Variants in MAGI2 observed in about 807,000 individuals in gnomAD.
The protein encoded by MAGI2 is membrane associated guanylate kinase, WW and PDZ domain containing 2, also known as membrane-associated guanylate kinase, WW and PDZ domain-containing protein 2.
Under a neutral mutation model 133.3 loss-of-function variants are expected in MAGI2, and 35 were observed. That is an observed-to-expected ratio of 0.26 (90% CI 0.20 to 0.35). MAGI2 has a LOEUF of 0.35. Among genes scored for constraint, MAGI2 ranks in the 10% least tolerant of loss-of-function variants. The pLI is 1.00. For synonymous variants in MAGI2, 729 were observed against 710.6 expected (o/e 1.03, Z -0.41); for missense variants, 1,636 against 1,863.4 (o/e 0.88, Z 2.25).
chr7:78,243,582 G>A (rs934278741), intron 10 of MAGI2, among the ~76,000 whole-genome samples: 2 of 151,890 alleles, frequency 1.3e-5, no homozygotes, highest in African/African-American at 4.8e-5. Context: ...CTATGATATA[G>A]TCTATGATAC....
At chr7:78,586,381 A>T (rs1335590604) in intron 3 of MAGI2, among the ~76,000 whole-genome samples, 1 of 148,252 alleles carries the variant, frequency 6.7e-6, no homozygotes, top group Non-Finnish European at 1.5e-5. Flanking sequence ...CACCCATAAC[A>T]TCTAAGAATT....
Position 78,521,452 on chromosome 7 carries a change from T to C in MAGI2, c.732A>G (p.Gly244=), listed in dbSNP as rs1796496265. Residue 244 remains glycine (G), a synonymous_variant, in exon 4 of 22, where the codon GGA becomes GGG. Coordinates refer to ENST00000354212, the MANE Select transcript of MAGI2 (RefSeq NM_012301.4). ...AACCTGGTGTTACTACTACTCCATTTCCATTGACCACAGGCCTCTCTTCCT... is the reference window on the plus strand; with the variant it reads ...AACCTGGTGTTACTACTACTCCATTCCCATTGACCACAGGCCTCTCTTCCT... ...EEEEERPVVN[G]NGVVVTPESS... is the part of the protein sequence containing the mutation. 1.2e-6 allele frequency: 2 copies of C among 1,613,924 alleles called. No individual in the cohort carries two copies. The highest frequency in any genetic ancestry group is 2.7e-5 in the African/African-American group (2 of 74,938).
intron 1 of MAGI2, among the ~76,000 whole-genome samples, chr7:79,136,009 G>T (rs1821421301): frequency 8.6e-6 from 1 of 115,644 alleles, no homozygotes. Flanking sequence ...GAAAGAGAAA[G>T]AAAGAAAGAA....
At chr7:78,788,533 C>A (rs1827016453) in intron 2 of MAGI2, among the ~76,000 whole-genome samples, 1 of 150,906 alleles carries the variant, frequency 6.6e-6, no homozygotes, top group Admixed American at 6.6e-5. Context: ...AATTCTGGAT[C>A]TCTTCATTTT....
chr7:79,371,869 A>G (rs538469116), intron 1 of MAGI2, among the ~76,000 whole-genome samples: 1 of 152,156 alleles, frequency 6.6e-6, no homozygotes, highest in African/African-American at 2.4e-5. Context: ...TTAATTTAAC[A>G]TGTGGCAGCC....
chr7:78,707,629 G>A (rs16886268), intron 2 of MAGI2, among the ~76,000 whole-genome samples: 2,898 of 152,128 alleles, frequency 0.019, 93 homozygotes, highest in African/African-American at 0.065. Flanking sequence ...CATGACAAAA[G>A]CAACTACACT....
chr7:79,211,198 T>A lies in MAGI2; in HGVS notation c.302-203992A>T, dbSNP rs182732053. The stretch of plus-strand genomic sequence containing the variant: ...ACAGGCATGTGTGAATATATCTATA[T>A]GTATATCTGTATGTGTATCAATATC... On this transcript the variant is annotated intron_variant, in intron 1 of 21. Coordinates refer to ENST00000354212, the MANE Select transcript of MAGI2 (RefSeq NM_012301.4). Among the ~76,000 whole-genome samples the A allele has an allele frequency of 3.9e-5, 6 of 152,224 alleles. No homozygotes were observed. The East Asian group carries it at 1.2e-3, about 29-fold the overall frequency.
rs140431405 is a variant in MAGI2, at chr7:78,533,780, A to C, written c.539-12135T>G. Reference sequence around the variant, plus strand: ...ATTCCTGGGCTAGTTCTTCTGAAAAAAAGTAAGACTCAATAAGTAGTCAAC... The same window carrying C: ...ATTCCTGGGCTAGTTCTTCTGAAAACAAGTAAGACTCAATAAGTAGTCAAC... On this transcript the variant is annotated intron_variant, in intron 3 of 21. Coordinates refer to ENST00000354212, the MANE Select transcript of MAGI2 (RefSeq NM_012301.4). Among the ~76,000 whole-genome samples the C allele has an allele frequency of 1.1e-4, 16 of 152,360 alleles. No homozygotes were observed. In the East Asian group the frequency reaches 2.9e-3, roughly 28 times the overall value.
At chr7:78,191,246 G>A (rs988306918) in intron 12 of MAGI2, among the ~76,000 whole-genome samples, 11 of 151,374 alleles carry the variant, frequency 7.3e-5, no homozygotes, top group Non-Finnish European at 1.3e-4. Context: ...TTTGCACAGA[G>A]TTCTCCAGCA....
chr7:78,147,722 G>A (rs146141540), intron 16 of MAGI2, among the ~76,000 whole-genome samples: 1 of 151,972 alleles, frequency 6.6e-6, no homozygotes, highest in African/African-American at 2.4e-5. Context: ...TTAGTCTTTA[G>A]AGAAAAACGC....
intron 2 of MAGI2, among the ~76,000 whole-genome samples, chr7:78,789,024 C>T (rs1207884): frequency 0.46 from 69,515 of 151,944 alleles, 16,514 homozygotes; most frequent in South Asian, 0.56. Flanking sequence ...GTAGATTTCC[C>T]TGCACATTCT....
At chr7:78,233,202 G>T (rs1449965391) in intron 10 of MAGI2, among the ~76,000 whole-genome samples, 4 of 152,066 alleles carry the variant, frequency 2.6e-5, no homozygotes, top group Admixed American at 2.0e-4. Flanking sequence ...TGGTGGTGAG[G>T]TTACAGAGTG....
intron 21 of MAGI2, among the ~76,000 whole-genome samples, chr7:78,069,511 G>C (rs571653561): frequency 3.6e-5 from 5 of 140,606 alleles, no homozygotes; most frequent in African/African-American, 1.1e-4. Context: ...GTGTGTGTGA[G>C]AGAGAGAGAG....
intron 1 of MAGI2, among the ~76,000 whole-genome samples, chr7:79,053,787 A>G (rs1007500818): frequency 3.3e-5 from 5 of 152,224 alleles, no homozygotes; most frequent in Non-Finnish European, 7.3e-5. Context: ...GTCATCTGCT[A>G]AAAGCTAATT....
chr7:78,300,785 C>T (rs375823779), intron 9 of MAGI2, among the ~76,000 whole-genome samples: 6 of 152,272 alleles, frequency 3.9e-5, no homozygotes, highest in East Asian at 1.9e-4. Flanking sequence ...TTCTATGTTG[C>T]TATGTATTTG....
At chr7:79,066,318 G>C (rs1263554956) in intron 1 of MAGI2, among the ~76,000 whole-genome samples, 2 of 149,286 alleles carry the variant, frequency 1.3e-5, no homozygotes, top group Non-Finnish European at 3.0e-5. Flanking sequence ...TTAATGACCA[G>C]TGATGATGAA....
At chr7:79,178,892 A>C (rs1826364253) in intron 1 of MAGI2, among the ~76,000 whole-genome samples, 1 of 152,018 alleles carries the variant, frequency 6.6e-6, no homozygotes, top group Non-Finnish European at 1.5e-5. Context: ...AAGATAAATC[A>C]TTGTCTTTTT....
At chr7:78,342,685 C>T (rs1410246538) in intron 9 of MAGI2, among the ~76,000 whole-genome samples, 1 of 152,150 alleles carries the variant, frequency 6.6e-6, no homozygotes, top group Non-Finnish European at 1.5e-5. Context: ...TGGAAATCAT[C>T]ATTCTTAGCA....
chr7:78,215,131 G>A (rs1788140037), intron 10 of MAGI2, among the ~76,000 whole-genome samples: 2 of 152,186 alleles, frequency 1.3e-5, no homozygotes, highest in Admixed American at 6.5e-5. Context: ...GTGACTCTAC[G>A]AAGCATAAAG....
Sources: gnomAD v4.1 joint callset for allele counts (sites outside exome capture counted in the v4.1 genomes callset) on GRCh38, gnomAD v4.1.1 for gene constraint, MANE v1.5 for transcripts, NCBI Gene and HGNC (gene_info 2026-07-23, HGNC 2026-07-21) for gene names.